PPFIA2: variants seen among roughly 807,000 people sequenced by gnomAD.
The protein encoded by PPFIA2 is PPFI scaffold protein A2, also known as liprin-alpha-2.
In PPFIA2, 46 loss-of-function variants were observed where a neutral mutation model predicts 175.5. The ratio of observed to expected loss-of-function variants is 0.26; its 90% CI spans 0.21 to 0.34. The LOEUF is 0.34. PPFIA2 is among the 10% of genes least tolerant of loss of function. The pLI, the probability that PPFIA2 is intolerant of heterozygous loss-of-function variation, is 1.00. For missense variants in PPFIA2, 1,179 were observed against 1,506.1 expected (o/e 0.78, Z 3.60); for synonymous variants, 568 against 511.4 (o/e 1.11, Z -1.49).
chr12:81,564,302 A>G (rs2070838765), intron 4 of PPFIA2, among the ~76,000 whole-genome samples: 1 of 152,138 alleles, frequency 6.6e-6, no homozygotes, highest in Non-Finnish European at 1.5e-5. Flanking sequence ...AAACTTAGAG[A>G]CTATTTGGTC....
chr12:81,505,219 A>G (rs569861391), intron 4 of PPFIA2, among the ~76,000 whole-genome samples: 2 of 151,914 alleles, frequency 1.3e-5, no homozygotes, highest in East Asian at 3.9e-4. Context: ...ATGTATACCT[A>G]TGTAACAAAC....
chr12:81,441,278 T>C (rs1327786706), intron 6 of PPFIA2, among the ~76,000 whole-genome samples: 1 of 152,078 alleles, frequency 6.6e-6, no homozygotes, highest in African/African-American at 2.4e-5. Flanking sequence ...AGTCACATTT[T>C]AGTATTGTAT....
intron 9 of PPFIA2, among the ~76,000 whole-genome samples, chr12:81,380,289 CT>C (rs1240522433): frequency 6.6e-6 from 1 of 152,048 alleles, no homozygotes; most frequent in African/African-American, 2.4e-5. Context: ...TTGCTTGAGC[CT>C]AGGAGTTCGA....
intron 4 of PPFIA2, among the ~76,000 whole-genome samples, chr12:81,632,271 A>C (rs769243885): frequency 6.6e-6 from 1 of 152,162 alleles, no homozygotes; most frequent in Admixed American, 6.6e-5. Context: ...AATCACAGAC[A>C]TCACCCCAAA....
rs540040652 is a variant in PPFIA2, at chr12:81,663,417, C to T, written c.303+13374G>A. Among the ~76,000 whole-genome samples the T allele has an allele frequency of 5.9e-4, 90 of 152,252 alleles. 3 individuals carry two copies. In the East Asian group the frequency reaches 0.016, roughly 27 times the overall value. On this transcript the variant is annotated intron_variant, in intron 4 of 32. Transcript: ENST00000549396. ...ATAACAGACAAACAGAGAGCCAAAT[C>T]ATGAGTGAACTCCCATTCACAATTG... is the stretch of plus-strand genomic sequence containing the variant.
intron 7 of PPFIA2, among the ~76,000 whole-genome samples, chr12:81,427,659 T>C (rs546663866): frequency 6.6e-6 from 1 of 152,174 alleles, no homozygotes; most frequent in South Asian, 2.1e-4. Context: ...AGAGTACTAC[T>C]ATCATTTCAT....
intron 24 of PPFIA2, among the ~76,000 whole-genome samples, chr12:81,291,687 C>T (rs2045062823): frequency 2.0e-5 from 3 of 151,870 alleles, no homozygotes; most frequent in African/African-American, 7.2e-5. Context: ...TTTATAAGTA[C>T]ATGGAGTGGT....
chr12:81,741,985 G>A (rs2082380042), intron 3 of PPFIA2, among the ~76,000 whole-genome samples: 1 of 152,150 alleles, frequency 6.6e-6, no homozygotes, highest in Non-Finnish European at 1.5e-5. Context: ...AAGAAAGCAA[G>A]CCATATGGTT....
chr12:81,624,625 TAA>T, intron 4 of PPFIA2, among the ~76,000 whole-genome samples: 1 of 146,436 alleles, frequency 6.8e-6, no homozygotes, highest in South Asian at 2.1e-4. Flanking sequence ...ATTATATATA[TAA>T]TATATATTAT....
intron 22 of PPFIA2, among the ~76,000 whole-genome samples, chr12:81,324,301 C>T (rs1466137155): frequency 6.6e-6 from 1 of 151,924 alleles, no homozygotes; most frequent in Non-Finnish European, 1.5e-5. Flanking sequence ...AAATGTTTAA[C>T]TTTAGTAGCT....
At chr12:81,544,068 T>C (rs1394936221) in intron 4 of PPFIA2, among the ~76,000 whole-genome samples, 2 of 152,080 alleles carry the variant, frequency 1.3e-5, no homozygotes, top group Non-Finnish European at 2.9e-5. Flanking sequence ...AAGCTTAGAC[T>C]TTAGTTAATA....
chr12:81,728,672 G>GT (rs1190089571), intron 3 of PPFIA2, among the ~76,000 whole-genome samples: 1 of 151,468 alleles, frequency 6.6e-6, no homozygotes, highest in East Asian at 1.9e-4. Flanking sequence ...TAAAATTACT[G>GT]TTGTTTTGCA....
intron 4 of PPFIA2, among the ~76,000 whole-genome samples, chr12:81,629,005 G>T (rs1157181828): frequency 6.6e-6 from 1 of 152,148 alleles, no homozygotes; most frequent in African/African-American, 2.4e-5. Context: ...TGAGCACACT[G>T]CCCTGGGTAA....
intron 4 of PPFIA2, among the ~76,000 whole-genome samples, chr12:81,639,295 C>G (rs1467461040): frequency 6.6e-6 from 1 of 151,960 alleles, no homozygotes; most frequent in African/African-American, 2.4e-5. Context: ...ACATGTTGCT[C>G]TAGATCAAAT....
intron 3 of PPFIA2, among the ~76,000 whole-genome samples, chr12:81,735,620 A>G (rs566378875): frequency 1.3e-5 from 2 of 151,452 alleles, no homozygotes; most frequent in East Asian, 2.0e-4. Context: ...TTTTTTGTGG[A>G]TTGTACTTTT....
At chr12:81,750,703 T>C (rs1247336470) in intron 3 of PPFIA2, among the ~76,000 whole-genome samples, 1 of 152,176 alleles carries the variant, frequency 6.6e-6, no homozygotes, top group Non-Finnish European at 1.5e-5. Context: ...TATAAAATAA[T>C]TTACATGGTT....
intron 3 of PPFIA2, among the ~76,000 whole-genome samples, chr12:81,743,913 G>A (rs2082684988): frequency 6.6e-6 from 1 of 152,118 alleles, no homozygotes; most frequent in African/African-American, 2.4e-5. Flanking sequence ...AGGCCCTAAA[G>A]TATTTGTTGA....
intron 3 of PPFIA2, among the ~76,000 whole-genome samples, chr12:81,691,221 G>T (rs2075202778): frequency 6.6e-6 from 1 of 152,112 alleles, no homozygotes; most frequent in Admixed American, 6.6e-5. Context: ...AGCCCAGGCA[G>T]GAGTGACCTC....
chr12:81,754,800 C>T (rs1257585694), intron 2 of PPFIA2, among the ~76,000 whole-genome samples: 1 of 151,960 alleles, frequency 6.6e-6, no homozygotes, highest in Admixed American at 6.6e-5. Context: ...GTTTTTTAGT[C>T]AACCGATTTT....
Sources: gnomAD v4.1 joint callset for allele counts (sites outside exome capture counted in the v4.1 genomes callset) on GRCh38, gnomAD v4.1.1 for gene constraint, MANE v1.5 for transcripts, NCBI Gene and HGNC (gene_info 2026-07-23, HGNC 2026-07-21) for gene names.